The following NPFFR2 variants were observed in gnomAD, a reference collection of about 807,000 sequenced individuals.
The protein encoded by NPFFR2 is G-protein coupled receptor 74.
A neutral mutation model predicts 13.1 loss-of-function variants in NPFFR2; 15 were observed. The observed-to-expected ratio is 1.15, with a 90% CI of 0.77 to 1.76. NPFFR2 has a LOEUF of 1.76. NPFFR2 is among the 40% of genes most tolerant of loss of function. The probability of loss-of-function intolerance (pLI) is 0.00; values close to 1 mark genes in which losing one functional copy is unlikely to be tolerated. For synonymous variants in NPFFR2, 190 were observed against 175.7 expected, an observed-to-expected ratio of 1.08 and a Z score of -0.65; for missense variants, 572 against 503.5, an observed-to-expected ratio of 1.14 and a Z score of -1.30.
chr4:72,034,076 C>G (rs1718988683), intron 1 of NPFFR2, among the ~76,000 whole-genome samples: 1 of 152,116 alleles, frequency 6.6e-6, no homozygotes, highest in Admixed American at 6.6e-5. Flanking sequence ...GCTTCAGATA[C>G]TTAAAAATAA....
At chr4:72,048,425 C>T (rs924282997) in intron 1 of NPFFR2, among the ~76,000 whole-genome samples, 1 of 152,074 alleles carries the variant, frequency 6.6e-6, no homozygotes, top group Non-Finnish European at 1.5e-5. Context: ...ACATAAATTG[C>T]AATCTTAATT....
chr4:72,132,638 C>A (rs1490830089), intron 2 of NPFFR2, among the ~76,000 whole-genome samples: 1 of 152,156 alleles, frequency 6.6e-6, no homozygotes, highest in Non-Finnish European at 1.5e-5. Context: ...GTTTATTTTT[C>A]TCCACAATTT....
At position 72,116,109 on chromosome 4, in the gene NPFFR2, G is replaced by A. The variant is rs549521458; in HGVS notation, c.-7-12476G>A. ...TGTTTTTCCACTGCATATGTTTATT[G>A]TTTTGAAACTATTGCATAGATTGCA... On this transcript the variant is annotated intron_variant, in intron 1 of 3. Transcript: ENST00000308744. 2.6e-5 allele frequency among the ~76,000 whole-genome samples: 4 copies of A among 152,150 alleles called. No individual in the cohort carries two copies. The South Asian group carries it at 6.2e-4, about 24-fold the overall frequency.
At chr4:72,064,910 T>C (rs1036031984) in intron 1 of NPFFR2, among the ~76,000 whole-genome samples, 2 of 152,068 alleles carry the variant, frequency 1.3e-5, no homozygotes, top group Non-Finnish European at 2.9e-5. Context: ...TGGAGACTTG[T>C]TTCTTACTTC....
At chr4:72,065,661 A>G (rs1720046311) in intron 1 of NPFFR2, among the ~76,000 whole-genome samples, 1 of 152,214 alleles carries the variant, frequency 6.6e-6, no homozygotes, top group Non-Finnish European at 1.5e-5. Flanking sequence ...AATGCAGGGC[A>G]CCATCATTCC....
intron 1 of NPFFR2, among the ~76,000 whole-genome samples, chr4:72,108,416 G>C (rs747544129): frequency 6.6e-6 from 1 of 151,800 alleles, no homozygotes; most frequent in Non-Finnish European, 1.5e-5. Flanking sequence ...CTGGTATTGG[G>C]GGAGAAATAG....
chr4:72,140,721 T>C (rs368678723), intron 3 of NPFFR2, among the ~76,000 whole-genome samples: 1 of 149,616 alleles, frequency 6.7e-6, no homozygotes. Context: ...TAAAATTCTC[T>C]TTTTTTTGGG....
chr4:72,119,013 ACT>A (rs1446770177), intron 1 of NPFFR2, among the ~76,000 whole-genome samples: 13 of 152,112 alleles, frequency 8.5e-5, no homozygotes, highest in African/African-American at 3.1e-4. Flanking sequence ...TGAAGGAAGT[ACT>A]GAGATGAGAA....
chr4:72,063,379 G>A (rs1025291739), intron 1 of NPFFR2, among the ~76,000 whole-genome samples: 2 of 152,160 alleles, frequency 1.3e-5, no homozygotes, highest in African/African-American at 2.4e-5. Flanking sequence ...CTACGTCGAA[G>A]CAAACAAGGT....
intron 1 of NPFFR2, among the ~76,000 whole-genome samples, chr4:72,032,431 G>T (rs973978452): frequency 5.3e-5 from 8 of 152,254 alleles, no homozygotes; most frequent in African/African-American, 1.9e-4. Flanking sequence ...GGCTTGCAGA[G>T]CAGGGACCTG....
At chr4:72,105,383 G>T (rs1721388791) in intron 1 of NPFFR2, among the ~76,000 whole-genome samples, 1 of 151,934 alleles carries the variant, frequency 6.6e-6, no homozygotes, top group East Asian at 1.9e-4. Flanking sequence ...ATGGCTTATT[G>T]CTAGCTGGAA....
intron 1 of NPFFR2, among the ~76,000 whole-genome samples, chr4:72,079,087 C>CACACACACACACACAT (rs1553890218): frequency 9.3e-4 from 133 of 143,328 alleles, no homozygotes; most frequent in African/African-American, 2.9e-3. Flanking sequence ...CACACACACA[C>CACACACACACACACAT]ATCTGTTGAA....
At chr4:72,053,200 A>T (rs1719641352) in intron 1 of NPFFR2, among the ~76,000 whole-genome samples, 1 of 151,872 alleles carries the variant, frequency 6.6e-6, no homozygotes, top group South Asian at 2.1e-4. Context: ...ACAACTTCAA[A>T]CCAAGTTATC....
intron 2 of NPFFR2, among the ~76,000 whole-genome samples, chr4:72,136,643 A>T (rs1238866078): frequency 6.6e-6 from 1 of 151,814 alleles, no homozygotes; most frequent in African/African-American, 2.4e-5. Flanking sequence ...GTAGGAATGT[A>T]GGGCTGGCTG....
At chr4:72,136,746 C>T (rs975513708) in intron 2 of NPFFR2, among the ~76,000 whole-genome samples, 5 of 152,124 alleles carry the variant, frequency 3.3e-5, no homozygotes, top group Non-Finnish European at 7.3e-5. Flanking sequence ...CCTGGTGACT[C>T]GGGGTTTAGA....
At chr4:72,120,911 A>G (rs893285585) in intron 1 of NPFFR2, among the ~76,000 whole-genome samples, 1 of 152,114 alleles carries the variant, frequency 6.6e-6, no homozygotes, top group Non-Finnish European at 1.5e-5. Flanking sequence ...TGACAAATTG[A>G]CAGAAGTGGG....
At chr4:72,097,673 A>G (rs894653752) in intron 1 of NPFFR2, among the ~76,000 whole-genome samples, 1 of 152,146 alleles carries the variant, frequency 6.6e-6, no homozygotes, top group Non-Finnish European at 1.5e-5. Flanking sequence ...GAAAAATCAC[A>G]TCTGTAAACT....
At chr4:72,047,125 AAG>A (rs71215408) in intron 1 of NPFFR2, among the ~76,000 whole-genome samples, 4,804 of 152,248 alleles carry the variant, frequency 0.032, 113 homozygotes, top group Admixed American at 0.052. Flanking sequence ...ATAATAAAAT[AAG>A]AAACAGAGTG....
intron 1 of NPFFR2, chr4:72,039,488 C>A: frequency 1.7e-6 from 1 of 587,482 alleles, no homozygotes; most frequent in Non-Finnish European, 2.1e-6. Flanking sequence ...TATACACTCT[C>A]AAATCAATCT....
Sources: allele counts gnomAD v4.1 joint callset (sites outside exome capture counted in the v4.1 genomes callset), GRCh38; gene constraint gnomAD v4.1.1; transcripts MANE v1.5; gene names NCBI Gene and HGNC (gene_info 2026-07-23, HGNC 2026-07-21).